The following OPCML variants were observed in gnomAD, a reference collection of about 807,000 sequenced individuals.
OPCML encodes opioid binding protein/cell adhesion molecule like.
In OPCML, 13 loss-of-function variants were observed where a neutral mutation model predicts 37.8. The observed-to-expected ratio is 0.34, with a 90% CI of 0.22 to 0.55. OPCML has a LOEUF of 0.55. Among genes scored for constraint, OPCML ranks in the 20% least tolerant of loss-of-function variants. OPCML has a pLI of 0.91. For missense variants in OPCML, 341 were observed against 435.6 expected (o/e 0.78, Z 1.93); for synonymous variants, 176 against 168.8 (o/e 1.04, Z -0.33).
Position 132,883,135 on chromosome 11 carries a change from T to C in OPCML, c.146+59791A>G, listed in dbSNP as rs1356979537. The stretch of plus-strand genomic sequence containing the variant: ...GGAAGAACCTGCACAAACAGATGCA[T>C]GGCACTGGATCTTATACGCCTCATG... On this transcript the variant is annotated intron_variant, in intron 2 of 7. Transcript: ENST00000524381. 2.6e-5 allele frequency among the ~76,000 whole-genome samples: 4 copies of C among 152,346 alleles called. 1 individual carries two copies. The South Asian group carries it at 6.2e-4, about 24-fold the overall frequency.
At chr11:132,753,506 A>T (rs1945911938) in intron 2 of OPCML, among the ~76,000 whole-genome samples, 2 of 152,218 alleles carry the variant, frequency 1.3e-5, no homozygotes, top group South Asian at 4.1e-4. Flanking sequence ...ATACCTACAT[A>T]CATACATATC....
At chr11:132,464,751 C>G (rs192898012) in intron 4 of OPCML, among the ~76,000 whole-genome samples, 1 of 152,044 alleles carries the variant, frequency 6.6e-6, no homozygotes, top group Non-Finnish European at 1.5e-5. Context: ...TTGGGATCTG[C>G]AATATTTTTT....
chr11:133,313,980 A>C (rs756419505), intron 1 of OPCML, among the ~76,000 whole-genome samples: 3 of 152,106 alleles, frequency 2.0e-5, no homozygotes, highest in Non-Finnish European at 4.4e-5. Flanking sequence ...TCACGCCTGT[A>C]ATCCCAGCAC....
intron 3 of OPCML, among the ~76,000 whole-genome samples, chr11:132,610,808 G>A (rs778113897): frequency 6.6e-6 from 1 of 152,162 alleles, no homozygotes; most frequent in Non-Finnish European, 1.5e-5. Flanking sequence ...CAACCTCCTT[G>A]AGTCACTGGA....
At chr11:132,530,612 G>A (rs1052995960) in intron 3 of OPCML, among the ~76,000 whole-genome samples, 26 of 149,940 alleles carry the variant, frequency 1.7e-4, no homozygotes, top group Admixed American at 1.3e-3. Context: ...GGAGTCGAAC[G>A]CCCAAAACCA....
At chr11:133,422,864 T>G (rs1177220703) in intron 1 of OPCML, 1 of 942,054 alleles carries the variant, frequency 1.1e-6, no homozygotes, top group Non-Finnish European at 1.3e-6. Context: ...ATTCTACACA[T>G]AAGAAATCTG....
At chr11:133,345,052 G>A (rs972115863) in intron 1 of OPCML, among the ~76,000 whole-genome samples, 3 of 151,954 alleles carry the variant, frequency 2.0e-5, no homozygotes, top group Non-Finnish European at 2.9e-5. Context: ...AATCAATCCC[G>A]ACCATCACAT....
intron 1 of OPCML, among the ~76,000 whole-genome samples, chr11:133,020,902 A>T (rs143080260): frequency 6.6e-6 from 1 of 152,294 alleles, no homozygotes; most frequent in East Asian, 1.9e-4. Context: ...TTGGCAAAGA[A>T]TGGATTTTAA....
intron 2 of OPCML, among the ~76,000 whole-genome samples, chr11:132,679,291 C>T (rs1942838604): frequency 6.6e-6 from 1 of 152,006 alleles, no homozygotes. Context: ...AAAACGTATA[C>T]ACAAATGTTC....
At chr11:133,501,839 C>T (rs73587635) in intron 1 of OPCML, among the ~76,000 whole-genome samples, 18 of 152,224 alleles carry the variant, frequency 1.2e-4, no homozygotes, top group African/African-American at 3.1e-4. Flanking sequence ...CTCACCAGTC[C>T]GGGCTCCTCA....
intron 1 of OPCML, among the ~76,000 whole-genome samples, chr11:133,399,864 A>T (rs938084134): frequency 1.3e-5 from 2 of 148,636 alleles, no homozygotes; most frequent in African/African-American, 4.9e-5. Context: ...ATATATATAT[A>T]TTATATATAT....
chr11:133,154,827 C>A (rs998510666), intron 1 of OPCML, among the ~76,000 whole-genome samples: 21 of 152,172 alleles, frequency 1.4e-4, no homozygotes, highest in African/African-American at 5.1e-4. Context: ...AAATGCTGAG[C>A]TTTGCAAAGA....
chr11:133,275,312 A>G (rs902423780), intron 1 of OPCML, among the ~76,000 whole-genome samples: 6 of 152,040 alleles, frequency 3.9e-5, no homozygotes, highest in Non-Finnish European at 7.3e-5. Context: ...AAAGGGCAGA[A>G]GTTAGGTGCC....
chr11:132,996,757 A>T (rs1946896556), intron 1 of OPCML, among the ~76,000 whole-genome samples: 1 of 152,164 alleles, frequency 6.6e-6, no homozygotes, highest in Non-Finnish European at 1.5e-5. Flanking sequence ...AGCTCCATGG[A>T]GAGTCCCTGC....
intron 2 of OPCML, among the ~76,000 whole-genome samples, chr11:132,686,610 A>T (rs537061460): frequency 6.6e-6 from 1 of 152,196 alleles, no homozygotes; most frequent in Non-Finnish European, 1.5e-5. Context: ...ATGACCTCTC[A>T]TTAGTCCAAT....
At chr11:132,768,535 A>T (rs1946533722) in intron 2 of OPCML, among the ~76,000 whole-genome samples, 1 of 152,232 alleles carries the variant, frequency 6.6e-6, no homozygotes, top group South Asian at 2.1e-4. Context: ...GAGTGCTCTC[A>T]TTATTTAAAC....
chr11:133,089,761 C>T (rs1245106227), intron 1 of OPCML, among the ~76,000 whole-genome samples: 1 of 147,824 alleles, frequency 6.8e-6, no homozygotes, highest in African/African-American at 2.6e-5. Context: ...CTTCAACCAA[C>T]CCCTAAAAAA....
intron 1 of OPCML, among the ~76,000 whole-genome samples, chr11:132,990,929 G>A (rs1251113488): frequency 6.6e-6 from 1 of 152,172 alleles, no homozygotes; most frequent in African/African-American, 2.4e-5. Flanking sequence ...ATGAAAGTAT[G>A]ATTGAAATCA....
chr11:132,533,010 G>A (rs960388277), intron 3 of OPCML, among the ~76,000 whole-genome samples: 3 of 152,126 alleles, frequency 2.0e-5, no homozygotes, highest in Non-Finnish European at 4.4e-5. Context: ...AGTATCTGTA[G>A]CAAATGAATC....
Sources: gnomAD v4.1 joint callset for allele counts (sites outside exome capture counted in the v4.1 genomes callset) on GRCh38, gnomAD v4.1.1 for gene constraint, MANE v1.5 for transcripts, NCBI Gene and HGNC (gene_info 2026-07-23, HGNC 2026-07-21) for gene names.